Variants in UPRT observed in about 807,000 individuals in gnomAD.
UPRT encodes uracil phosphoribosyltransferase homolog.
A neutral mutation model predicts 22.6 loss-of-function variants in UPRT; 5 were observed. The ratio of observed to expected loss-of-function variants is 0.22; its 90% CI spans 0.12 to 0.47. The LOEUF (loss-of-function observed/expected upper bound fraction) is 0.47, where lower values mean the gene tolerates loss of function less well. UPRT is among the 20% of genes least tolerant of loss of function. The pLI is 0.99. For missense variants in UPRT, 181 were observed against 239.9 expected (o/e 0.75, Z 1.62); for synonymous variants, 77 against 87.7 (o/e 0.88, Z 0.68).
chrX:75,170,820 C>T (rs761837648), intron 4 of UPRT, among the ~76,000 whole-genome samples: 1 of 111,307 alleles, frequency 9.0e-6, no homozygotes, highest in Non-Finnish European at 1.9e-5. Context: ...AAGGCTATCT[C>T]TCCTTCATTT....
intron 4 of UPRT, among the ~76,000 whole-genome samples, chrX:75,230,858 A>G (rs1226492728): frequency 8.9e-6 from 1 of 111,933 alleles, no homozygotes. Flanking sequence ...AATAACAATC[A>G]GTGCAGTCTG....
rs192508361 is a variant in UPRT, at chrX:75,235,108, C to A, written c.-446-55916C>A. Among the ~76,000 whole-genome samples the A allele has an allele frequency of 2.6e-3, 288 of 111,040 alleles. 1 individual carries two copies. The highest frequency in any genetic ancestry group is 8.8e-3 in the African/African-American group (269 of 30,504). On this transcript the variant is annotated intron_variant, in intron 4 of 13. Transcript: ENST00000652605. ...AAAAAAAATGATAAAGGATATATCA[C>A]CACCAATCCCACAGAAATACAGACT...
rs758767324 is a variant in UPRT, at chrX:75,274,578, G to A, written c.324G>A (p.Ala108=). 8.3e-6 allele frequency: 10 copies of A among 1,209,905 alleles called. No individual in the cohort carries two copies. In the Admixed American group the frequency reaches 1.3e-4, roughly 16 times the overall value. The change falls in exon 1 of 7, where the codon GCG becomes GCA. Residue 108 remains alanine (A), a synonymous_variant. Coordinates refer to ENST00000373383, the MANE Select transcript of UPRT (RefSeq NM_145052.4). ...EDCELSRQIG[A]QLKLLPMNDQ... ...GCGAACTCTCCCGGCAGATCGGGGCGCAGCTTAAGCTGCTGCCTATGAATG... is the reference window on the plus strand; with the variant it reads ...GCGAACTCTCCCGGCAGATCGGGGCACAGCTTAAGCTGCTGCCTATGAATG...
chrX:75,211,877 T>C (rs908178867), intron 4 of UPRT, among the ~76,000 whole-genome samples: 3 of 110,929 alleles, frequency 2.7e-5, no homozygotes, highest in African/African-American at 9.9e-5. Flanking sequence ...CCTGTTAAGG[T>C]GGGGGACCAG....
At chrX:75,269,168 G>T (rs2082600001), upstream of UPRT, among the ~76,000 whole-genome samples, 1 of 111,355 alleles carries the variant, frequency 9.0e-6, no homozygotes, top group Non-Finnish European at 1.9e-5. Flanking sequence ...GCTACAAAGA[G>T]AATAAAATAC....
chrX:75,174,326 G>A (rs1475215338), intron 4 of UPRT, among the ~76,000 whole-genome samples: 1 of 111,696 alleles, frequency 9.0e-6, no homozygotes. Context: ...TCGGTCCAGG[G>A]GTCCCCAGTA....
chrX:75,204,431 ACAGGAAAAAAGAC>A (rs1309818616), intron 4 of UPRT, among the ~76,000 whole-genome samples: 1 of 112,714 alleles, frequency 8.9e-6, no homozygotes, highest in Non-Finnish European at 1.9e-5. Flanking sequence ...TTTTTGCCAC[ACAGGAAAAAAGAC>A]CAGGGGTTGA....
rs12156864 is a variant in UPRT, at chrX:75,303,995, T to A, written c.*484T>A. ...TAACTTGGAGAGGAGAATAAAAGAA[T>A]GTCTCCTGGAATTTTACATTCCCAT... On this transcript the variant is annotated 3_prime_UTR_variant, in exon 7 of 7. Transcript: ENST00000373383. 0.057 allele frequency: 6,489 copies of A among 113,332 alleles called. 236 individuals carry two copies. The highest frequency in any genetic ancestry group is 0.13 in the African/African-American group (4,059 of 30,839). The allele number at this position is 113,332 out of a possible 1,213,427, so 9.3% of individuals were successfully genotyped here.
At chrX:75,164,786 TA>T (rs376294188) in intron 3 of UPRT, among the ~76,000 whole-genome samples, 29 of 110,773 alleles carry the variant, frequency 2.6e-4, no homozygotes, top group East Asian at 5.7e-4. Flanking sequence ...AATAAAACTT[TA>T]AAAAAAAATC....
intron 4 of UPRT, among the ~76,000 whole-genome samples, chrX:75,254,182 G>T (rs2082541502): frequency 9.0e-6 from 1 of 111,500 alleles, no homozygotes; most frequent in South Asian, 3.8e-4. Flanking sequence ...AAACCAAGAA[G>T]AAATCCCTGA....
intron 2 of UPRT, chrX:75,294,720 A>G: frequency 2.0e-6 from 1 of 498,232 alleles, no homozygotes; most frequent in East Asian, 1.2e-4. Context: ...TGTGGTTGAC[A>G]TTCCTGGAGC....
intron 6 of UPRT, among the ~76,000 whole-genome samples, chrX:75,301,738 T>C (rs2082744982): frequency 9.0e-6 from 1 of 111,592 alleles, no homozygotes; most frequent in Admixed American, 9.6e-5. Context: ...AATAACAGCA[T>C]TAGAATAGGG....
intron 4 of UPRT, among the ~76,000 whole-genome samples, chrX:75,235,988 G>T (rs919594677): frequency 1.8e-5 from 2 of 110,886 alleles, no homozygotes; most frequent in Admixed American, 9.7e-5. Flanking sequence ...TATTCAATTA[G>T]GAAAAGAGGA....
At chrX:75,271,264 A>G (rs751332652), upstream of UPRT, among the ~76,000 whole-genome samples, 4 of 112,643 alleles carry the variant, frequency 3.6e-5, no homozygotes, top group South Asian at 1.5e-3. Flanking sequence ...ATAAGGCAAT[A>G]GTTACGAATA....
intron 3 of UPRT, among the ~76,000 whole-genome samples, chrX:75,165,002 G>A (rs1474973535): frequency 9.1e-6 from 1 of 109,929 alleles, no homozygotes; most frequent in Non-Finnish European, 1.9e-5. Flanking sequence ...AATTGTTATT[G>A]TGTAGTATAT....
chrX:75,276,558 A>AC (rs2082632500), intron 1 of UPRT, among the ~76,000 whole-genome samples: 1 of 111,413 alleles, frequency 9.0e-6, no homozygotes, highest in Non-Finnish European at 1.9e-5. Flanking sequence ...TATACAACAA[A>AC]GAAAAATAGA....
chrX:75,244,583 C>G (rs1157775585), intron 4 of UPRT, among the ~76,000 whole-genome samples: 1 of 110,970 alleles, frequency 9.0e-6, no homozygotes, highest in Non-Finnish European at 1.9e-5. Context: ...CAGAATATAC[C>G]AATGGAACAG....
intron 4 of UPRT, among the ~76,000 whole-genome samples, chrX:75,265,895 C>A (rs2082586827): frequency 9.0e-6 from 1 of 110,776 alleles, no homozygotes; most frequent in Admixed American, 9.7e-5. Context: ...ATGTGAAGGA[C>A]CTCTTCAAGG....
At chrX:75,238,449 T>G (rs1602467919) in intron 4 of UPRT, among the ~76,000 whole-genome samples, 1 of 111,541 alleles carries the variant, frequency 9.0e-6, no homozygotes, top group Non-Finnish European at 1.9e-5. Flanking sequence ...TAAATACATA[T>G]GCACCTAACA....
Sources: gnomAD v4.1 joint callset for allele counts (sites outside exome capture counted in the v4.1 genomes callset) on GRCh38, gnomAD v4.1.1 for gene constraint, MANE v1.5 for transcripts, NCBI Gene and HGNC (gene_info 2026-07-23, HGNC 2026-07-21) for gene names.